Variants in FLRT2 observed in about 807,000 individuals in gnomAD.
FLRT2 encodes the protein leucine-rich repeat transmembrane protein FLRT2.
A neutral mutation model predicts 40.0 loss-of-function variants in FLRT2; 15 were observed. The ratio of observed to expected loss-of-function variants is 0.38; its 90% confidence interval spans 0.25 to 0.58. FLRT2 has a LOEUF of 0.58. FLRT2 is among the 20% of genes least tolerant of loss of function. The pLI is 0.71. For synonymous variants in FLRT2, 380 were observed against 336.8 expected, an observed-to-expected ratio of 1.13 and a Z score of -1.41; for missense variants, 726 against 840.0, an observed-to-expected ratio of 0.86 and a Z score of 1.68.
At chr14:85,574,110 G>A (rs1891017532) in intron 1 of FLRT2, among the ~76,000 whole-genome samples, 1 of 152,062 alleles carries the variant, frequency 6.6e-6, no homozygotes, top group East Asian at 1.9e-4. Flanking sequence ...CTAGTGATAA[G>A]GGCATCTGGG....
chr14:85,562,555 G>C (rs1890401347), intron 1 of FLRT2: 1 of 151,044 alleles, frequency 6.6e-6, no homozygotes, highest in Non-Finnish European at 1.5e-5. Flanking sequence ...AGAGTAGGTG[G>C]GTCTATAATG....
intron 1 of FLRT2, chr14:85,562,875 G>GA (rs1000109268): frequency 7.2e-5 from 11 of 152,024 alleles, no homozygotes; most frequent in African/African-American, 2.4e-4. Context: ...TACCGTGAGG[G>GA]AAAATCAATG....
rs1894147202 is a variant in FLRT2, at chr14:85,641,452, C to A, written c.*17955C>A. 1 of 152,204 alleles carries A rather than the reference C, an allele frequency of 6.6e-6. No individual in the cohort carries two copies. The highest frequency in any genetic ancestry group is 2.1e-4 in the South Asian group (1 of 4,830). The allele number at this position is 152,204 out of a possible 1,614,324, so 9.4% of individuals were successfully genotyped here. A position where few individuals can be genotyped will look rare whatever the true frequency, so the allele number is the denominator to read the frequency against. On this transcript the variant is annotated 3_prime_UTR_variant, in exon 2 of 2. Coordinates refer to ENST00000330753, the MANE Select transcript of FLRT2 (RefSeq NM_013231.6). The stretch of plus-strand genomic sequence containing the variant: ...CCAAGAGGCCATCAGGCACGGTGCC[C>A]ATAATCAGTGTTTTAGTGTCTGGTC...
At chr14:85,615,846 G>A (rs768147024) in intron 1 of FLRT2, among the ~76,000 whole-genome samples, 14 of 145,046 alleles carry the variant, frequency 9.7e-5, no homozygotes, top group Non-Finnish European at 2.0e-4. Flanking sequence ...ATTCTATTAC[G>A]CGATTGGCAA....
chr14:85,596,953 A>C (rs1892166382), intron 1 of FLRT2, among the ~76,000 whole-genome samples: 1 of 152,160 alleles, frequency 6.6e-6, no homozygotes, highest in Admixed American at 6.5e-5. Context: ...TGGGTGTTTG[A>C]ATGACAGAAA....
rs1893970284 is a variant in FLRT2 at position 85,635,070 on chromosome 14, G to T, written c.*11573G>T. 6.6e-6 allele frequency: 1 copy of T among 152,140 alleles called. No individual in the cohort carries two copies. The allele number at this position is 152,140 out of a possible 1,614,324, so 9.4% of individuals were successfully genotyped here. A position where few individuals can be genotyped will look rare whatever the true frequency, so the allele number is the denominator to read the frequency against. On this transcript the variant is annotated 3_prime_UTR_variant, in exon 2 of 2. Coordinates refer to ENST00000330753, the MANE Select transcript of FLRT2 (RefSeq NM_013231.6). ...TAAACACTCAGTTTCATTGACTTAAGTATAAAGACTAACATGTTTCTCATT... is the reference window on the plus strand; with the variant it reads ...TAAACACTCAGTTTCATTGACTTAATTATAAAGACTAACATGTTTCTCATT...
rs1280810483 is a variant in FLRT2 at position 85,654,103 on chromosome 14, A to T, written c.*30606A>T. The T allele has an allele frequency of 2.6e-5, 4 of 152,166 alleles. No homozygotes were observed. Among genetic ancestry groups the T allele is most frequent in the African/African-American group, 9.7e-5 (4 of 41,450 alleles). The allele number at this position is 152,166 out of a possible 1,614,324, so 9.4% of individuals were successfully genotyped here. ...AGGCATATTAAAATACAAATTCGTA[A>T]AGATAATACCTTGATGTTTATGTCT... On this transcript the variant is annotated 3_prime_UTR_variant, in exon 2 of 2. Transcript: ENST00000330753.
chr14:85,563,172 C>A (rs1429989991), intron 1 of FLRT2: 1 of 152,006 alleles, frequency 6.6e-6, no homozygotes, highest in Non-Finnish European at 1.5e-5. Flanking sequence ...TGCTGCCTGG[C>A]AATTACAGAA....
chr14:85,634,392 C>T lies in FLRT2; in HGVS notation c.*10895C>T, dbSNP rs1434087601. On this transcript the variant is annotated 3_prime_UTR_variant, in exon 2 of 2. Coordinates refer to ENST00000330753, the MANE Select transcript of FLRT2 (RefSeq NM_013231.6). Reference sequence around the variant, plus strand: ...TTTTGACTGGTAGGCCTCAGCTATCCTATTGCTAAGTATTTTACATAACTG... The same window carrying T: ...TTTTGACTGGTAGGCCTCAGCTATCTTATTGCTAAGTATTTTACATAACTG... The T allele has an allele frequency of 6.6e-6, 1 of 152,106 alleles. No homozygotes were observed. Among genetic ancestry groups the T allele is most frequent in the Non-Finnish European group, 1.5e-5 (1 of 68,042 alleles). 9.4% of individuals were successfully genotyped at this position (152,106 alleles called of 1,614,324 possible). A position where few individuals can be genotyped will look rare whatever the true frequency, so the allele number is the denominator to read the frequency against.
chr14:85,600,655 C>CT (rs938212620), intron 1 of FLRT2, among the ~76,000 whole-genome samples: 2 of 152,198 alleles, frequency 1.3e-5, no homozygotes, highest in African/African-American at 2.4e-5. Flanking sequence ...ATATTGTGGA[C>CT]TTTTTTTGCA....
Position 85,654,227 on chromosome 14 carries a change from A to G in FLRT2, c.*30730A>G, listed in dbSNP as rs1029360429. On this transcript the variant is annotated 3_prime_UTR_variant, in exon 2 of 2. Coordinates refer to ENST00000330753, the MANE Select transcript of FLRT2 (RefSeq NM_013231.6). The stretch of plus-strand genomic sequence containing the variant: ...CTAACAGCATGGATTTGAGACAGTT[A>G]TGAAAATGCCATGGTATCATTCTGT... 1 of 152,182 alleles carries G rather than the reference A, an allele frequency of 6.6e-6. No individual in the cohort carries two copies. Among genetic ancestry groups the G allele is most frequent in the Non-Finnish European group, 1.5e-5 (1 of 68,036 alleles). 9.4% of individuals were successfully genotyped at this position (152,182 alleles called of 1,614,324 possible).
chr14:85,532,810 A>T (rs547236069), intron 1 of FLRT2, among the ~76,000 whole-genome samples: 1 of 152,104 alleles, frequency 6.6e-6, no homozygotes, highest in Non-Finnish European at 1.5e-5. Flanking sequence ...GGTTTGCTGT[A>T]TTTTACCCTC....
rs1395311996 is a variant in FLRT2, at chr14:85,646,927, T to C, written c.*23430T>C. On this transcript the variant is annotated 3_prime_UTR_variant, in exon 2 of 2. Transcript: ENST00000330753. The stretch of plus-strand genomic sequence containing the variant: ...AGGAAGGGGCTTAAGATATGGAAGT[T>C]GCCTGGGACCAACATACTCTGTCCA... 1 of 152,198 alleles carries C rather than the reference T, an allele frequency of 6.6e-6. No homozygotes were observed. Among genetic ancestry groups the C allele is most frequent in the African/African-American group, 2.4e-5 (1 of 41,452 alleles). The allele number at this position is 152,198 out of a possible 1,614,324, so 9.4% of individuals were successfully genotyped here. A position where few individuals can be genotyped will look rare whatever the true frequency, so the allele number is the denominator to read the frequency against.
chr14:85,534,684 G>A (rs1888534127), intron 1 of FLRT2, among the ~76,000 whole-genome samples: 1 of 151,272 alleles, frequency 6.6e-6, no homozygotes, highest in Non-Finnish European at 1.5e-5. Context: ...GTGGCCTGAT[G>A]CGCAGTGGTC....
rs543099726 is a variant in FLRT2 at position 85,624,156 on chromosome 14, G to A, written c.*659G>A. 5.4e-5 allele frequency: 9 copies of A among 167,036 alleles called. No homozygotes were observed. The highest frequency in any genetic ancestry group is 2.2e-4 in the African/African-American group (9 of 41,536). 10.3% of individuals were successfully genotyped at this position (167,036 alleles called of 1,614,324 possible). On this transcript the variant is annotated 3_prime_UTR_variant, in exon 2 of 2. Transcript: ENST00000330753. ...AAAGGACCCGAAAATGCAGGGGTTG[G>A]CTTTCTGACTGGGAACTTAAAAATC... is the stretch of plus-strand genomic sequence containing the variant.
chr14:85,596,368 T>TA (rs1308114472), intron 1 of FLRT2, among the ~76,000 whole-genome samples: 2 of 152,222 alleles, frequency 1.3e-5, no homozygotes, highest in Non-Finnish European at 2.9e-5. Context: ...CAACTGGACA[T>TA]ACACTTTTCA....
Position 85,623,730 on chromosome 14 carries a change from TAAAAAA to T in FLRT2, c.*240_*245del. 3.0e-6 allele frequency: 1 copy of T among 330,612 alleles called. No homozygotes were observed. Among genetic ancestry groups the T allele is most frequent in the Non-Finnish European group, 5.5e-6 (1 of 181,158 alleles). The allele number at this position is 330,612 out of a possible 1,614,324, so 20.5% of individuals were successfully genotyped here. A position where few individuals can be genotyped will look rare whatever the true frequency, so the allele number is the denominator to read the frequency against. On this transcript the variant is annotated 3_prime_UTR_variant, in exon 2 of 2. Transcript: ENST00000330753. ...TTGTAACTCTTTGCTTTTTAAATCT[TAAAAAA>T]AAAAAAGTTGCTGAAGTACTGTACA...
At chr14:85,602,413 G>A (rs1389998542) in intron 1 of FLRT2, among the ~76,000 whole-genome samples, 4 of 152,200 alleles carry the variant, frequency 2.6e-5, no homozygotes, top group Non-Finnish European at 2.9e-5. Flanking sequence ...TCAATTGGAA[G>A]GCGAGATGGC....
rs758468704 is a variant in FLRT2 at position 85,566,556 on chromosome 14, T to TGTGTGTGTGTGC, written c.-377+36033_-377+36034insCGTGTGTGTGTG. 6.7e-3 allele frequency among the ~76,000 whole-genome samples: 925 copies of TGTGTGTGTGTGC among 139,052 alleles called. 6 individuals are homozygous for TGTGTGTGTGTGC. Among genetic ancestry groups the TGTGTGTGTGTGC allele is most frequent in the Non-Finnish European group, 8.3e-3 (509 of 61,156 alleles). 91.2% of individuals were successfully genotyped at this position (139,052 alleles called of 152,430 possible). On this transcript the variant is annotated intron_variant, in intron 1 of 1. Coordinates refer to ENST00000330753, the MANE Select transcript of FLRT2 (RefSeq NM_013231.6). The stretch of plus-strand genomic sequence containing the variant: ...TCCTCTTAACTTCCATGGTTGTGTG[T>TGTGTGTGTGTGC]GTGTGTGTGTGTGTGTGTGTGCAAG...
Sources: gnomAD v4.1 joint callset for allele counts (sites outside exome capture counted in the v4.1 genomes callset) on GRCh38, gnomAD v4.1.1 for gene constraint, MANE v1.5 for transcripts, NCBI Gene and HGNC (gene_info 2026-07-23, HGNC 2026-07-21) for gene names.